ADAMTS7: variants seen among roughly 807,000 people sequenced by gnomAD.
The protein encoded by ADAMTS7 is ADAM metallopeptidase with thrombospondin type 1 motif 7, also known as A disintegrin and metalloproteinase with thrombospondin motifs 7.
In ADAMTS7, 89 loss-of-function variants were observed where a neutral mutation model predicts 172.6. The ratio of observed to expected loss-of-function variants is 0.52; its 90% confidence interval spans 0.43 to 0.61. The LOEUF is 0.61. ADAMTS7 is among the 20% of genes least tolerant of loss of function. The pLI, the probability that ADAMTS7 is intolerant of heterozygous loss-of-function variation, is 0.00. For synonymous variants in ADAMTS7, 885 were observed against 978.4 expected (o/e 0.90, Z 1.78); for missense variants, 1,973 against 2,355.6 (o/e 0.84, Z 3.36).
chr15:78,790,074 T>G (rs1464341399), intron 6 of ADAMTS7, among the ~76,000 whole-genome samples: 1 of 152,224 alleles, frequency 6.6e-6, no homozygotes, highest in Non-Finnish European at 1.5e-5. Flanking sequence ...AGAACAATTT[T>G]GGTTACTATC....
rs757186279 is a variant in ADAMTS7 at position 78,771,784 on chromosome 15, C to T, written c.2177G>A (p.Arg726His). ...GLIPAGAREIRIQEVAEAANF... is the reference protein window; with the variant it reads ...GLIPAGAREIHIQEVAEAANF... ...GGCAGCCTCGGCAACCTCTTGGATG[C>T]GGATCTCGCGTGCGCCCGCTGGGAT... The change falls in exon 15 of 24, where the codon CGC (arginine) becomes CAC (histidine). Residue 726 changes from arginine (R) to histidine (H), a missense_variant. Coordinates refer to ENST00000388820, the MANE Select transcript of ADAMTS7 (RefSeq NM_014272.5). The surrounding 1 kb of genome is among the most constrained non-coding windows in gnomAD (Gnocchi z 4.9). 1.4e-5 allele frequency: 22 copies of T among 1,612,602 alleles called. No homozygotes were observed. Among genetic ancestry groups the T allele is most frequent in the South Asian group, 3.3e-5 (3 of 91,056 alleles).
At chr15:78,798,699 G>A (rs2055678857) in intron 2 of ADAMTS7, among the ~76,000 whole-genome samples, 1 of 152,192 alleles carries the variant, frequency 6.6e-6, no homozygotes, top group South Asian at 2.1e-4. Context: ...TGGCAGGAGT[G>A]TCTTGGACAT....
rs781387506 is a variant in ADAMTS7, at chr15:78,767,522, G to C, written c.2716C>G (p.Leu906Val). The C allele has an allele frequency of 6.3e-7, 1 of 1,596,860 alleles. No homozygotes were observed. Among genetic ancestry groups the C allele is most frequent in the African/African-American group, 1.3e-5 (1 of 74,666 alleles). ...TCCAGCCCCACGCTGCGGATGCAGA[G>C]CACGGCCCGGCGGGAGAGGCCCCCA... ...GPGGLSRRAV[L>V]CIRSVGLDEQ... The change falls in exon 18 of 24, where the codon CTC becomes GTC. Residue 906 changes from leucine to valine, a missense_variant. This residue lies in a region of ADAMTS7 where 771 missense variants were observed against 952.6 expected (regional missense o/e 0.81). Coordinates refer to ENST00000388820, the MANE Select transcript of ADAMTS7 (RefSeq NM_014272.5).
At chr15:78,803,898 T>C (rs558981218) in intron 1 of ADAMTS7, among the ~76,000 whole-genome samples, 6 of 152,270 alleles carry the variant, frequency 3.9e-5, no homozygotes, top group Non-Finnish European at 8.8e-5. Context: ...TATTCATAAT[T>C]GAGGGAAATG....
chr15:78,767,582 C>G lies in ADAMTS7; in HGVS notation c.2656G>C (p.Gly886Arg). 2 of 1,545,352 alleles carry G rather than the reference C, an allele frequency of 1.3e-6. No individual in the cohort carries two copies. Among genetic ancestry groups the G allele is most frequent in the Non-Finnish European group, 1.7e-6 (2 of 1,144,246 alleles). ...EQPCPARWWA[G>R]EWQLCSSSCG... The stretch of plus-strand genomic sequence containing the variant: ...GAGCTGGAGCACAGCTGCCACTCAC[C>G]TGCCCACCACCTGGCGAGGGCACAC... The change falls in exon 18 of 24, where the codon GGT (glycine) becomes CGT (arginine). Residue 886 changes from glycine to arginine, a missense_variant. By Grantham distance (125) the Gly-to-Arg change is moderately radical. This residue lies in a region of ADAMTS7 where 771 missense variants were observed against 952.6 expected (regional missense o/e 0.81). Coordinates refer to ENST00000388820, the MANE Select transcript of ADAMTS7 (RefSeq NM_014272.5).
At position 78,766,046 on chromosome 15, in the gene ADAMTS7, C is replaced by A; in HGVS notation, c.3865G>T (p.Val1289Leu). 6.2e-7 allele frequency: 1 copy of A among 1,605,716 alleles called. No homozygotes were observed. The highest frequency in any genetic ancestry group is 1.1e-5 in the South Asian group (1 of 90,970). The change falls in exon 19 of 24, where the codon GTG becomes TTG. Residue 1289 changes from valine to leucine, a missense_variant. Transcript: ENST00000388820. ...VDSELWPTVG[V>L]ASLLPPPIAP... The stretch of plus-strand genomic sequence containing the variant: ...ATGGGAGGAGGAAGGAGAGAAGCCA[C>A]CCCAACAGTGGGCCACAGTTCACTG...
intron 23 of ADAMTS7, among the ~76,000 whole-genome samples, chr15:78,760,736 C>A (rs1814594): frequency 2.0e-5 from 3 of 152,182 alleles, no homozygotes; most frequent in African/African-American, 7.2e-5. Flanking sequence ...TCCAGGTCTC[C>A]AAGTCCAAGA....
intron 4 of ADAMTS7, among the ~76,000 whole-genome samples, chr15:78,795,208 C>T (rs2055627350): frequency 1.3e-5 from 2 of 152,252 alleles, no homozygotes; most frequent in African/African-American, 2.4e-5. Flanking sequence ...TTGCTCCACC[C>T]CTATAGCCCA....
chr15:78,800,906 A>AT (rs1262974917), intron 1 of ADAMTS7, among the ~76,000 whole-genome samples: 1 of 152,012 alleles, frequency 6.6e-6, no homozygotes, highest in Non-Finnish European at 1.5e-5. Flanking sequence ...ACGCCCAGCT[A>AT]TTTTTTGTAT....
At chr15:78,799,344 C>T (rs1465952293) in intron 2 of ADAMTS7, among the ~76,000 whole-genome samples, 1 of 133,504 alleles carries the variant, frequency 7.5e-6, no homozygotes, top group Non-Finnish European at 1.7e-5. Flanking sequence ...CACCTGAACA[C>T]GAACAGAAAG....
intron 1 of ADAMTS7, among the ~76,000 whole-genome samples, chr15:78,804,090 G>A (rs536290898): frequency 4.6e-5 from 7 of 152,284 alleles, no homozygotes; most frequent in East Asian, 3.9e-4. Context: ...GGAGAGACTG[G>A]CCTAGAGCCA....
intron 1 of ADAMTS7, among the ~76,000 whole-genome samples, chr15:78,808,677 A>T (rs2055827691): frequency 6.6e-6 from 1 of 152,156 alleles, no homozygotes; most frequent in Non-Finnish European, 1.5e-5. Flanking sequence ...GGCTGAAACT[A>T]GCACCACCCA....
Position 78,766,675 on chromosome 15 carries a change from C to T in ADAMTS7, c.3236G>A (p.Gly1079Glu), listed in dbSNP as rs138120107. 1.1e-4 allele frequency: 180 copies of T among 1,610,798 alleles called. No homozygotes were observed. The highest frequency in any genetic ancestry group is 1.3e-4 in the Non-Finnish European group (154 of 1,179,806). The change falls in exon 19 of 24, where the codon GGG becomes GAG. Residue 1079 changes from glycine (G) to glutamate (E), a missense_variant. Gly to Glu is a moderately conservative substitution (Grantham distance 98). Transcript: ENST00000388820. Reference sequence around the variant, plus strand: ...GTCTAGATCGGGCTCCTCAGAGGGCCCGTAGGACAGATCCTCGTGGAAATT... The same window carrying T: ...GTCTAGATCGGGCTCCTCAGAGGGCTCGTAGGACAGATCCTCGTGGAAATT... ...FINFHEDLSY[G>E]PSEEPDLDLA...
At chr15:78,807,615 T>C (rs1350779273) in intron 1 of ADAMTS7, among the ~76,000 whole-genome samples, 2 of 152,206 alleles carry the variant, frequency 1.3e-5, no homozygotes, top group Non-Finnish European at 2.9e-5. Flanking sequence ...AGTTTCTCCA[T>C]CTGTAAAATG....
intron 1 of ADAMTS7, among the ~76,000 whole-genome samples, chr15:78,810,152 T>C (rs975753485): frequency 6.6e-6 from 1 of 152,212 alleles, no homozygotes; most frequent in African/African-American, 2.4e-5. Context: ...CCCCGACTGA[T>C]GCTCCCCAGG....
In ADAMTS7 at chr15:78,764,152, G is replaced by A. The variant is rs570396977; in HGVS notation, c.4420-53C>T. ...CATCCCCATGTGCAGGCCCACAGGC[G>A]TGACCCCGTGAGGTGTGTGGCGGGA... On this transcript the variant is annotated intron_variant, in intron 20 of 23. Coordinates refer to ENST00000388820, the MANE Select transcript of ADAMTS7 (RefSeq NM_014272.5). The A allele has an allele frequency of 8.1e-5, 119 of 1,460,180 alleles. No homozygotes were observed. The South Asian group carries it at 1.3e-3, about 16-fold the overall frequency. 90.5% of individuals were successfully genotyped at this position (1,460,180 alleles called of 1,614,324 possible).
In ADAMTS7 at chr15:78,767,658, G is replaced by A. The variant is rs933273806; in HGVS notation, c.2646-66C>T. ...AGGTGGCCTGCAGGCTCACCAGCAGGGGGGGCCAGGCTGGGCTTCCAGGCC... is the reference window on the plus strand; with the variant it reads ...AGGTGGCCTGCAGGCTCACCAGCAGAGGGGGCCAGGCTGGGCTTCCAGGCC... On this transcript the variant is annotated intron_variant, in intron 17 of 23. Coordinates refer to ENST00000388820, the MANE Select transcript of ADAMTS7 (RefSeq NM_014272.5). 4.9e-6 allele frequency: 7 copies of A among 1,440,708 alleles called. No individual in the cohort carries two copies. The Admixed American group carries it at 1.6e-4, about 33-fold the overall frequency. 89.2% of individuals were successfully genotyped at this position (1,440,708 alleles called of 1,614,324 possible).
At chr15:78,801,019 G>A (rs1174900769) in intron 1 of ADAMTS7, among the ~76,000 whole-genome samples, 1 of 152,160 alleles carries the variant, frequency 6.6e-6, no homozygotes, top group Non-Finnish European at 1.5e-5. Context: ...GCAATTACAG[G>A]CGTCAGCCAC....
In ADAMTS7 at chr15:78,811,383, CA is replaced by C. The variant is rs2055865408; in HGVS notation, c.-164del. On this transcript the variant is annotated 5_prime_UTR_variant, in exon 1 of 24. Coordinates refer to ENST00000388820, the MANE Select transcript of ADAMTS7 (RefSeq NM_014272.5). The stretch of plus-strand genomic sequence containing the variant: ...TCGGCTGCGCTCGGTCCGCGGGCAA[CA>C]AAGGCTGCAGGGCCCGCCCCCTTGG... 2 of 814,994 alleles carry C rather than the reference CA, an allele frequency of 2.5e-6. No homozygotes were observed. Among genetic ancestry groups the C allele is most frequent in the East Asian group, 7.1e-5 (2 of 28,062 alleles). The allele number at this position is 814,994 out of a possible 1,614,324, so 50.5% of individuals were successfully genotyped here. A position where few individuals can be genotyped will look rare whatever the true frequency, so the allele number is the denominator to read the frequency against.
Sources: allele counts gnomAD v4.1 joint callset (sites outside exome capture counted in the v4.1 genomes callset), GRCh38; gene constraint gnomAD v4.1.1; regional missense constraint gnomAD v4.1.1; non-coding constraint Gnocchi (gnomAD v3.1); transcripts MANE v1.5; gene names NCBI Gene and HGNC (gene_info 2026-07-23, HGNC 2026-07-21).